Variants in LRBA observed in about 807,000 individuals in gnomAD.
The protein encoded by LRBA is LPS responsive beige-like anchor protein, also known as lipopolysaccharide-responsive and beige-like anchor protein.
LRBA carries 176 observed loss-of-function variants against 330.0 expected under a neutral mutation model. The ratio of observed to expected loss-of-function variants is 0.53; its 90% confidence interval spans 0.47 to 0.60. The LOEUF is 0.60. Among genes scored for constraint, LRBA ranks in the 20% least tolerant of loss-of-function variants. The pLI, the probability that LRBA is intolerant of heterozygous loss-of-function variation, is 0.00. For missense variants in LRBA, 3,259 were observed against 3,444.8 expected, an observed-to-expected ratio of 0.95 and a Z score of 1.35; for synonymous variants, 1,230 against 1,193.0, an observed-to-expected ratio of 1.03 and a Z score of -0.64.
At chr4:150,376,661 G>GA (rs141705552) in intron 47 of LRBA, among the ~76,000 whole-genome samples, 1 of 151,456 alleles carries the variant, frequency 6.6e-6, no homozygotes, top group African/African-American at 2.4e-5. Flanking sequence ...AATTACAAAG[G>GA]AAAAAAAATA....
chr4:150,265,549 A>T lies in LRBA; in HGVS notation c.*173T>A. ...CAGCAGCCAGTTTTCTGCTTTGCTA[A>T]TCCCCCCCAAAAAAGTCAAGCAAAG... On this transcript the variant is annotated 3_prime_UTR_variant, in exon 57 of 57. Coordinates refer to ENST00000651943, the MANE Select transcript of LRBA (RefSeq NM_001364905.1). 3.7e-6 allele frequency: 2 copies of T among 537,368 alleles called. No homozygotes were observed. Among genetic ancestry groups the T allele is most frequent in the Non-Finnish European group, 6.8e-6 (2 of 294,960 alleles). 33.3% of individuals were successfully genotyped at this position (537,368 alleles called of 1,614,324 possible).
At chr4:150,482,853 A>C (rs913786422) in intron 42 of LRBA, among the ~76,000 whole-genome samples, 1 of 151,894 alleles carries the variant, frequency 6.6e-6, no homozygotes. Context: ...TTCAAAACTT[A>C]CATTTTTTTT....
chr4:150,436,897 A>T (rs1396488119), intron 44 of LRBA, 33 bp from the exon 45 acceptor site: 2 of 1,593,550 alleles, frequency 1.3e-6, no homozygotes, highest in Non-Finnish European at 1.7e-6. Flanking sequence ...CAAAGAATAC[A>T]TCAATGTAAT....
At chr4:150,607,239 A>T (rs1774742686) in intron 37 of LRBA, among the ~76,000 whole-genome samples, 1 of 152,146 alleles carries the variant, frequency 6.6e-6, no homozygotes, top group African/African-American at 2.4e-5. Context: ...CTTTCACAAG[A>T]GGTTTAATAT....
At chr4:150,355,615 G>A (rs931243656) in intron 47 of LRBA, among the ~76,000 whole-genome samples, 4 of 151,948 alleles carry the variant, frequency 2.6e-5, no homozygotes, top group Non-Finnish European at 5.9e-5. Context: ...CTTCTAGAAG[G>A]CCCAAGGTAC....
intron 37 of LRBA, among the ~76,000 whole-genome samples, chr4:150,653,938 A>G (rs1581933429): frequency 6.6e-6 from 1 of 152,144 alleles, no homozygotes; most frequent in African/African-American, 2.4e-5. Flanking sequence ...AACAATAGCA[A>G]TACTACTACT....
At chr4:151,000,073 G>C (rs2149648370) in intron 2 of LRBA, among the ~76,000 whole-genome samples, 1 of 152,242 alleles carries the variant, frequency 6.6e-6, no homozygotes. Context: ...AAATAGAACA[G>C]TTAGAACAAT....
chr4:150,281,363 C>A (rs1221187268), intron 55 of LRBA, among the ~76,000 whole-genome samples: 1 of 152,050 alleles, frequency 6.6e-6, no homozygotes, highest in Non-Finnish European at 1.5e-5. Context: ...CCGCAGAGAA[C>A]AGTGGAGACA....
intron 46 of LRBA, among the ~76,000 whole-genome samples, chr4:150,421,515 T>C (rs1001757950): frequency 2.0e-5 from 3 of 152,028 alleles, no homozygotes; most frequent in Non-Finnish European, 4.4e-5. Flanking sequence ...ATGTAGCACA[T>C]CATTATCACA....
chr4:150,835,853 T>A (rs1418551077), intron 28 of LRBA, among the ~76,000 whole-genome samples: 1 of 152,192 alleles, frequency 6.6e-6, no homozygotes, highest in African/African-American at 2.4e-5. Context: ...ATAAGAGTGG[T>A]GAGAGAGGGC....
chr4:150,388,503 C>T lies in LRBA; in HGVS notation c.7194+26935G>A, dbSNP rs181363802. Reference sequence around the variant, plus strand: ...TCAGACATGGGTGAAACTTGAGGTACGAATCATCTTTAGGCAAAATTCCTT... The same window carrying T: ...TCAGACATGGGTGAAACTTGAGGTATGAATCATCTTTAGGCAAAATTCCTT... On this transcript the variant is annotated intron_variant, in intron 47 of 56. Coordinates refer to ENST00000651943, the MANE Select transcript of LRBA (RefSeq NM_001364905.1). Among the ~76,000 whole-genome samples the T allele has an allele frequency of 3.2e-4, 49 of 152,258 alleles. 1 individual carries two copies. The East Asian group carries it at 5.6e-3, about 17-fold the overall frequency.
At chr4:150,703,553 T>C (rs1314460270) in intron 36 of LRBA, among the ~76,000 whole-genome samples, 1 of 152,204 alleles carries the variant, frequency 6.6e-6, no homozygotes, top group African/African-American at 2.4e-5. Context: ...TTTCCCTCAG[T>C]AGTCACCAAT....
intron 36 of LRBA, among the ~76,000 whole-genome samples, chr4:150,722,590 A>G (rs1729078944): frequency 6.6e-6 from 1 of 152,068 alleles, no homozygotes; most frequent in African/African-American, 2.4e-5. Context: ...CAGCCTCCAT[A>G]AGAGAGTGTG....
chr4:150,483,740 T>C (rs1407636745), intron 42 of LRBA, among the ~76,000 whole-genome samples: 1 of 152,118 alleles, frequency 6.6e-6, no homozygotes, highest in Non-Finnish European at 1.5e-5. Flanking sequence ...ACTGACATCT[T>C]AATAATATTG....
At chr4:150,324,357 T>G (rs1732957628) in intron 49 of LRBA, among the ~76,000 whole-genome samples, 1 of 152,214 alleles carries the variant, frequency 6.6e-6, no homozygotes, top group African/African-American at 2.4e-5. Flanking sequence ...TTGTTCTTGC[T>G]AAATGTTTGC....
chr4:150,464,338 T>C (rs1481577573), intron 44 of LRBA, among the ~76,000 whole-genome samples: 1 of 152,040 alleles, frequency 6.6e-6, no homozygotes, highest in Non-Finnish European at 1.5e-5. Flanking sequence ...TTTTTACTTT[T>C]GCAAACACAA....
chr4:150,826,869 G>C (rs1482232637), intron 30 of LRBA, among the ~76,000 whole-genome samples: 3 of 152,098 alleles, frequency 2.0e-5, no homozygotes, highest in Non-Finnish European at 4.4e-5. Context: ...ATACCACTGA[G>C]GATCACTGTT....
intron 34 of LRBA, among the ~76,000 whole-genome samples, chr4:150,768,063 CA>C (rs777328686): frequency 8.6e-3 from 502 of 58,046 alleles, no homozygotes; most frequent in Middle Eastern, 0.079. Flanking sequence ...GACTCTGTCT[CA>C]AAAAAAAAAA....
intron 37 of LRBA, among the ~76,000 whole-genome samples, chr4:150,646,829 A>AT (rs1166234772): frequency 2.0e-5 from 3 of 152,148 alleles, no homozygotes; most frequent in Non-Finnish European, 2.9e-5. Flanking sequence ...TGCAAAAGAA[A>AT]TGCTCATTGG....
Sources: gnomAD v4.1 joint callset for allele counts (sites outside exome capture counted in the v4.1 genomes callset) on GRCh38, gnomAD v4.1.1 for gene constraint, MANE v1.5 for transcripts, NCBI Gene and HGNC (gene_info 2026-07-23, HGNC 2026-07-21) for gene names.